COL4A4: variants seen among roughly 807,000 people sequenced by gnomAD.
The protein encoded by COL4A4 is collagen type IV alpha 4 chain.
In COL4A4, 105 loss-of-function variants were observed where a neutral mutation model predicts 192.9. The observed-to-expected ratio is 0.54, with a 90% CI of 0.46 to 0.64. The LOEUF is 0.64. Ranked by LOEUF, COL4A4 falls within the 30% of genes least tolerant of loss-of-function variation. The probability of loss-of-function intolerance (pLI) is 0.00; values close to 1 mark genes in which losing one functional copy is unlikely to be tolerated. For missense variants in COL4A4, 1,967 were observed against 2,169.3 expected (o/e 0.91, Z 1.85); for synonymous variants, 762 against 769.9 (o/e 0.99, Z 0.17).
At position 227,010,644 on chromosome 2, in the gene COL4A4, G is replaced by A. The variant is rs10182307; in HGVS notation, c.4334-143C>T. 264,848 of 599,002 alleles carry A rather than the reference G, an allele frequency of 0.44. 60,730 individuals carry two copies. Among genetic ancestry groups the A allele is most frequent in the African/African-American group, 0.6 (32,383 of 53,942 alleles). 37.1% of individuals were successfully genotyped at this position (599,002 alleles called of 1,614,324 possible). On this transcript the variant is annotated intron_variant, in intron 45 of 47. Transcript: ENST00000396625. ...TCAGCCCCTCCTCGCCTTCTGGAACGTACACAGCTACACAGCTGCAGTACA... is the reference window on the plus strand; with the variant it reads ...TCAGCCCCTCCTCGCCTTCTGGAACATACACAGCTACACAGCTGCAGTACA...
At chr2:227,132,308 G>A (rs1188596317) in intron 4 of COL4A4, among the ~76,000 whole-genome samples, 1 of 152,168 alleles carries the variant, frequency 6.6e-6, no homozygotes, top group Admixed American at 6.5e-5. Context: ...CCGGAGGGGA[G>A]TCTTGTCTGT....
At chr2:227,060,776 G>A (rs1976780420) in intron 26 of COL4A4, among the ~76,000 whole-genome samples, 1 of 148,446 alleles carries the variant, frequency 6.7e-6, no homozygotes. Flanking sequence ...CACCAAGGCT[G>A]GAGTGCAGTG....
intron 25 of COL4A4, among the ~76,000 whole-genome samples, chr2:227,073,679 T>A (rs2058847796): frequency 1.3e-5 from 2 of 152,152 alleles, no homozygotes; most frequent in African/African-American, 4.8e-5. Context: ...AACAGCATGG[T>A]ACTGTTGTAA....
intron 4 of COL4A4, among the ~76,000 whole-genome samples, chr2:227,134,437 C>T (rs1221988952): frequency 6.6e-6 from 1 of 152,178 alleles, no homozygotes; most frequent in Admixed American, 6.5e-5. Flanking sequence ...AACTTGTTTA[C>T]ATCAAAATGG....
chr2:226,984,956 C>G, the COL4A4 span, among the ~76,000 whole-genome samples: 1 of 140,608 alleles, frequency 7.1e-6, no homozygotes, highest in Non-Finnish European at 1.5e-5. Context: ...GGGGCAGAAG[C>G]AAAGAGGAGG....
At chr2:227,079,036 C>T (rs540215525) in intron 24 of COL4A4, among the ~76,000 whole-genome samples, 1 of 152,334 alleles carries the variant, frequency 6.6e-6, no homozygotes, top group East Asian at 1.9e-4. Flanking sequence ...CAGTGGATAA[C>T]AGCTCCCATG....
chr2:227,161,694 G>T (rs1281205769), intron 1 of COL4A4, among the ~76,000 whole-genome samples: 1 of 152,132 alleles, frequency 6.6e-6, no homozygotes, highest in Non-Finnish European at 1.5e-5. Flanking sequence ...GTGAATGTGG[G>T]ATCTGATTCA....
intron 1 of COL4A4, among the ~76,000 whole-genome samples, chr2:227,156,513 T>C (rs915123381): frequency 6.6e-6 from 1 of 151,212 alleles, no homozygotes; most frequent in South Asian, 2.1e-4. Context: ...AGGAATAAGC[T>C]ATGACAGTAC....
Position 227,056,135 on chromosome 2 carries a change from C to G in COL4A4, c.2546-20G>C, listed in dbSNP as rs771634778. On this transcript the variant is annotated intron_variant, in intron 29 of 47. Coordinates refer to ENST00000396625, the MANE Select transcript of COL4A4 (RefSeq NM_000092.5). Reference sequence around the variant, plus strand: ...GAGCACCTAAGACAAACCACAGTGACCACAGTGTGTGAAGGCTGAACACTG... The same window carrying G: ...GAGCACCTAAGACAAACCACAGTGAGCACAGTGTGTGAAGGCTGAACACTG... 6.2e-7 allele frequency: 1 copy of G among 1,612,046 alleles called. No individual in the cohort carries two copies. Among genetic ancestry groups the G allele is most frequent in the Non-Finnish European group, 8.5e-7 (1 of 1,178,450 alleles).
intron 1 of COL4A4, among the ~76,000 whole-genome samples, chr2:227,155,383 G>A (rs1472457859): frequency 6.6e-6 from 1 of 152,128 alleles, no homozygotes; most frequent in Non-Finnish European, 1.5e-5. Flanking sequence ...CCATAATAAT[G>A]TCACTTCTCG....
At chr2:227,150,084 A>AT (rs2063827041) in intron 1 of COL4A4, among the ~76,000 whole-genome samples, 1 of 152,212 alleles carries the variant, frequency 6.6e-6, no homozygotes, top group Non-Finnish European at 1.5e-5. Context: ...TTAAGTTCTC[A>AT]ATATATATTG....
intron 40 of COL4A4, among the ~76,000 whole-genome samples, chr2:227,030,997 AGATGGATG>A (rs1170671778): frequency 3.5e-5 from 5 of 143,658 alleles, no homozygotes; most frequent in African/African-American, 1.3e-4. Flanking sequence ...TGGATAGATA[AGATGGATG>A]GATGGATGGA....
the COL4A4 span, among the ~76,000 whole-genome samples, chr2:226,976,920 T>C: frequency 2.0e-5 from 3 of 152,312 alleles, no homozygotes; most frequent in African/African-American, 2.4e-5. Context: ...CCTCCTCCCA[T>C]TGAAAGAGCC....
intron 4 of COL4A4, among the ~76,000 whole-genome samples, chr2:227,125,680 G>A (rs943239380): frequency 6.6e-6 from 1 of 152,064 alleles, no homozygotes; most frequent in Non-Finnish European, 1.5e-5. Flanking sequence ...CAGCATTTGC[G>A]CAGGCTGTCC....
chr2:227,009,388 G>A (rs1034792368), intron 46 of COL4A4, among the ~76,000 whole-genome samples: 12 of 152,218 alleles, frequency 7.9e-5, no homozygotes, highest in South Asian at 2.1e-4. Flanking sequence ...AATCAGTCCC[G>A]CAGCTTGCAA....
At chr2:227,109,162 CTTCT>C in intron 10 of COL4A4, 58 bp downstream of exon 10, 1 of 1,499,420 alleles carries the variant, frequency 6.7e-7, no homozygotes, top group Non-Finnish European at 9.3e-7. Context: ...GGCAATGTTG[CTTCT>C]TTATTTTCAT....
At position 227,030,488 on chromosome 2, in the gene COL4A4, C is replaced by A; in HGVS notation, c.3928G>T (p.Gly1310Ter). The change falls in exon 41 of 48, where the codon GGA becomes TGA. Residue 1310 changes from glycine to a stop codon, truncating the protein, a stop_gained. Coordinates refer to ENST00000396625, the MANE Select transcript of COL4A4 (RefSeq NM_000092.5). LOFTEE classifies it high-confidence loss of function. ...PGPPGPPGPPGYKGFPGCDGK... is the reference protein window; with the variant it reads ...PGPPGPPGPP ...TCACATCCTGGAAAGCCTTTGTATC[C>A]TGGAGGGCCTGGTGGGCCAGGGGGA... 1 of 1,614,138 alleles carries A rather than the reference C, an allele frequency of 6.2e-7. No individual in the cohort carries two copies. Among genetic ancestry groups the A allele is most frequent in the African/African-American group, 1.3e-5 (1 of 75,044 alleles).
Position 227,147,393 on chromosome 2 carries a change from A to C in COL4A4, c.71+20T>G. 6.2e-7 allele frequency: 1 copy of C among 1,608,772 alleles called. No individual in the cohort carries two copies. Reference sequence around the variant, plus strand: ...AGAAATTACTAAATAAAAGCAGGCAATCACACTGAGGATACTCACCAGGGA... The same window carrying C: ...AGAAATTACTAAATAAAAGCAGGCACTCACACTGAGGATACTCACCAGGGA... On this transcript the variant is annotated intron_variant, in intron 2 of 47. Coordinates refer to ENST00000396625, the MANE Select transcript of COL4A4 (RefSeq NM_000092.5).
intron 1 of COL4A4, among the ~76,000 whole-genome samples, chr2:227,154,354 A>G (rs1387099226): frequency 6.6e-6 from 1 of 152,126 alleles, no homozygotes; most frequent in East Asian, 1.9e-4. Flanking sequence ...CAGCAACCCA[A>G]TCTTGAAAAC....
Sources: allele counts gnomAD v4.1 joint callset (sites outside exome capture counted in the v4.1 genomes callset), GRCh38; gene constraint gnomAD v4.1.1; transcripts MANE v1.5; gene names NCBI Gene and HGNC (gene_info 2026-07-23, HGNC 2026-07-21).